The following TENM3 variants were observed in gnomAD, a reference collection of about 807,000 sequenced individuals.
TENM3 encodes teneurin transmembrane protein 3.
TENM3 carries 63 observed loss-of-function variants against 255.1 expected under a neutral mutation model. The observed-to-expected ratio is 0.25, with a 90% CI of 0.20 to 0.30. The LOEUF is 0.30. Among genes scored for constraint, TENM3 ranks in the 10% least tolerant of loss-of-function variants. TENM3 has a pLI of 1.00. For missense variants in TENM3, 2,929 were observed against 3,461.1 expected (o/e 0.85, Z 3.86); for synonymous variants, 1,306 against 1,322.3 (o/e 0.99, Z 0.27).
At chr4:182,004,143 G>C in the TENM3 span, among the ~76,000 whole-genome samples, 3 of 152,022 alleles carry the variant, frequency 2.0e-5, no homozygotes, top group African/African-American at 7.2e-5. Context: ...GAACGTGCAG[G>C]CTTATTACAT....
chr4:181,600,812 T>C, the TENM3 span, among the ~76,000 whole-genome samples: 3 of 151,758 alleles, frequency 2.0e-5, no homozygotes, highest in African/African-American at 7.3e-5. Context: ...ATTTTCCAAT[T>C]TTCAAGAAAA....
chr4:182,032,767 G>T, the TENM3 span, among the ~76,000 whole-genome samples: 1 of 152,102 alleles, frequency 6.6e-6, no homozygotes, highest in Non-Finnish European at 1.5e-5. Context: ...ACTTCTGCCT[G>T]ATTCTGTCTT....
the TENM3 span, among the ~76,000 whole-genome samples, chr4:181,641,687 A>AATG: frequency 0.013 from 857 of 67,768 alleles, 18 homozygotes; most frequent in African/African-American, 0.039. Flanking sequence ...TATAAAATAT[A>AATG]TATAATGTAT....
intron 3 of TENM3, among the ~76,000 whole-genome samples, chr4:182,438,140 T>A (rs1382403042): frequency 1.3e-5 from 2 of 152,146 alleles, no homozygotes; most frequent in Non-Finnish European, 2.9e-5. Flanking sequence ...AAGAATAATA[T>A]CCTGAACCCA....
the TENM3 span, among the ~76,000 whole-genome samples, chr4:181,533,875 C>G: frequency 6.6e-6 from 1 of 152,178 alleles, no homozygotes; most frequent in Non-Finnish European, 1.5e-5. Flanking sequence ...CCCATTATCA[C>G]TGACAACTTT....
At chr4:182,353,825 G>T (rs977549020) in intron 3 of TENM3, among the ~76,000 whole-genome samples, 1 of 152,094 alleles carries the variant, frequency 6.6e-6, no homozygotes, top group Admixed American at 6.5e-5. Flanking sequence ...AATTAGCTGG[G>T]CATGGTGGCA....
chr4:181,700,134 G>T, the TENM3 span, among the ~76,000 whole-genome samples: 1 of 152,120 alleles, frequency 6.6e-6, no homozygotes, highest in Admixed American at 6.5e-5. Flanking sequence ...GCTAGATTGT[G>T]CAGATTGCAA....
the TENM3 span, among the ~76,000 whole-genome samples, chr4:181,969,713 A>G: frequency 6.6e-6 from 1 of 152,248 alleles, no homozygotes; most frequent in Admixed American, 6.5e-5. Context: ...GTTAACGTAC[A>G]TAATAAATTG....
the TENM3 span, among the ~76,000 whole-genome samples, chr4:181,485,161 C>A: frequency 6.6e-6 from 1 of 152,082 alleles, no homozygotes; most frequent in African/African-American, 2.4e-5. Context: ...TGATTTTAAA[C>A]GGTAGTCACT....
chr4:181,908,898 A>G, the TENM3 span, among the ~76,000 whole-genome samples: 1 of 152,256 alleles, frequency 6.6e-6, no homozygotes, highest in African/African-American at 2.4e-5. Flanking sequence ...GCCTGTGGGA[A>G]AAAGAAGTGC....
chr4:182,023,563 C>G, the TENM3 span, among the ~76,000 whole-genome samples: 1 of 152,156 alleles, frequency 6.6e-6, no homozygotes, highest in Non-Finnish European at 1.5e-5. Flanking sequence ...CCGACCCCTC[C>G]TGGTTTATGA....
chr4:182,040,863 G>A, the TENM3 span, among the ~76,000 whole-genome samples: 2 of 152,006 alleles, frequency 1.3e-5, no homozygotes, highest in Non-Finnish European at 2.9e-5. Flanking sequence ...CTTAATGTAA[G>A]GTGAGGATCA....
At chr4:182,101,405 T>C in the TENM3 span, among the ~76,000 whole-genome samples, 1 of 151,940 alleles carries the variant, frequency 6.6e-6, no homozygotes, top group Non-Finnish European at 1.5e-5. Context: ...ACACTTACTG[T>C]TTATAGGGTG....
chr4:182,192,215 A>G (rs537079422), intron 1 of TENM3, among the ~76,000 whole-genome samples: 1 of 152,190 alleles, frequency 6.6e-6, no homozygotes, highest in Non-Finnish European at 1.5e-5. Flanking sequence ...GACAACATAC[A>G]TACGTAGCAG....
intron 4 of TENM3, among the ~76,000 whole-genome samples, chr4:182,622,327 A>C (rs1280179517): frequency 6.6e-6 from 1 of 152,200 alleles, no homozygotes; most frequent in Non-Finnish European, 1.5e-5. Flanking sequence ...AGCCTAGATG[A>C]CAAGAGCAAA....
At chr4:181,661,971 A>G in the TENM3 span, among the ~76,000 whole-genome samples, 1 of 151,892 alleles carries the variant, frequency 6.6e-6, no homozygotes, top group Non-Finnish European at 1.5e-5. Flanking sequence ...TGGCCTCATC[A>G]AATATAAGAT....
intron 1 of TENM3, among the ~76,000 whole-genome samples, chr4:182,284,683 A>G (rs1399957626): frequency 6.6e-6 from 1 of 152,130 alleles, no homozygotes; most frequent in Non-Finnish European, 1.5e-5. Context: ...GTCGCGTTGG[A>G]AAAGCCAGTA....
At chr4:181,684,711 T>C in the TENM3 span, among the ~76,000 whole-genome samples, 1 of 152,130 alleles carries the variant, frequency 6.6e-6, no homozygotes, top group African/African-American at 2.4e-5. Context: ...CCTTTCCTCT[T>C]TGGGAAATTA....
At chr4:181,828,841 C>T in the TENM3 span, among the ~76,000 whole-genome samples, 2 of 152,154 alleles carry the variant, frequency 1.3e-5, no homozygotes, top group African/African-American at 2.4e-5. Flanking sequence ...CCACTCATCT[C>T]GGCCTCCCAA....
Sources: gnomAD v4.1 joint callset for allele counts (sites outside exome capture counted in the v4.1 genomes callset) on GRCh38, gnomAD v4.1.1 for gene constraint, MANE v1.5 for transcripts, NCBI Gene and HGNC (gene_info 2026-07-23, HGNC 2026-07-21) for gene names.